The following GTF3C2 variants were observed in gnomAD, a reference collection of about 807,000 sequenced individuals.
GTF3C2 encodes the protein general transcription factor 3C polypeptide 2.
A neutral mutation model predicts 117.4 loss-of-function variants in GTF3C2; 17 were observed. The observed-to-expected ratio is 0.14, with a 90% confidence interval of 0.10 to 0.22. GTF3C2 has a LOEUF of 0.22. Among genes scored for constraint, GTF3C2 ranks in the 10% least tolerant of loss-of-function variants. The probability of loss-of-function intolerance (pLI) is 1.00; values close to 1 mark genes in which losing one functional copy is unlikely to be tolerated. For missense variants in GTF3C2, 888 were observed against 1,143.6 expected, an observed-to-expected ratio of 0.78 and a Z score of 3.22; for synonymous variants, 437 against 427.0, an observed-to-expected ratio of 1.02 and a Z score of -0.29.
chr2:27,335,772 C>CTAGT, intron 9 of GTF3C2, 66 bp from the exon 10 acceptor site: 1 of 1,182,354 alleles, frequency 8.5e-7, no homozygotes, highest in Non-Finnish European at 1.2e-6. Flanking sequence ...CTTTGAGGTT[C>CTAGT]TAGTCCCTGA....
Position 27,334,391 on chromosome 2 carries a change from C to T in GTF3C2, c.1577-392G>A, listed in dbSNP as rs943134392. ...TCTGTTACACCTGATAGTATCCTTC[C>T]TCCTATCAGAAGAGCAATCCCTTCA... On this transcript the variant is annotated intron_variant, in intron 10 of 18. Transcript: ENST00000264720. Among the ~76,000 whole-genome samples the T allele has an allele frequency of 1.3e-5, 2 of 151,936 alleles. 1 individual carries two copies. Among genetic ancestry groups the T allele is most frequent in the East Asian group, 3.9e-4 (2 of 5,182 alleles).
At chr2:27,326,238 A>G (rs183874653) in exon 19 of GTF3C2, 5 of 474,096 alleles carry the variant, frequency 1.1e-5, no homozygotes, top group Non-Finnish European at 2.2e-5. Flanking sequence ...AAGTTTCAGA[A>G]GGCAGTAATA....
intron 9 of GTF3C2, 52 bp downstream of exon 9, chr2:27,335,865 C>A (rs893551851): frequency 3.8e-6 from 5 of 1,302,252 alleles, no homozygotes; most frequent in Non-Finnish European, 4.4e-6. Context: ...CCCAGGGCCT[C>A]TTTGTCCTGG....
intron 4 of GTF3C2, among the ~76,000 whole-genome samples, chr2:27,338,457 C>T (rs1348719789): frequency 2.1e-5 from 1 of 47,422 alleles, no homozygotes; most frequent in Non-Finnish European, 3.9e-5. Context: ...CACGCGCACG[C>T]GCGCACACAC....
At chr2:27,338,234 C>G in intron 4 of GTF3C2, 1 of 544,714 alleles carries the variant, frequency 1.8e-6, no homozygotes, top group Non-Finnish European at 3.3e-6. Context: ...AATCTGTTAC[C>G]TATTTTCTGT....
Position 27,341,907 on chromosome 2 carries a change from CCTA to C in GTF3C2, c.855+38_855+40del, listed in dbSNP as rs535529028. 184 of 1,554,436 alleles carry C rather than the reference CCTA, an allele frequency of 1.2e-4. No homozygotes were observed. The African/African-American group carries it at 2.3e-3, about 19-fold the overall frequency. ...CAGTACCTTGCTGGTCCCCTAAAAT[CCTA>C]CTATGTCCCCATTCACTTTCTTGTC... On this transcript the variant is annotated intron_variant, in intron 4 of 18. Coordinates refer to ENST00000264720, the Ensembl canonical transcript of GTF3C2.
At chr2:27,333,726 C>T in exon 12 of GTF3C2, 1 of 1,610,782 alleles carries the variant, frequency 6.2e-7, no homozygotes, top group Non-Finnish European at 8.5e-7. Flanking sequence ...GCACTGACCA[C>T]ACTCAGAGGG....
At chr2:27,342,985 G>A in exon 3 of GTF3C2, 4 of 1,614,194 alleles carry the variant, frequency 2.5e-6, no homozygotes, top group Non-Finnish European at 3.4e-6. Flanking sequence ...AGGCATGGGG[G>A]TGGACAGAGG....
chr2:27,355,959 A>C lies in GTF3C2; in HGVS notation c.-25+780T>G, dbSNP rs1019857231. The C allele has an allele frequency of 1.1e-5, 6 of 545,582 alleles. No individual in the cohort carries two copies. The African/African-American group carries it at 1.2e-4, about 11-fold the overall frequency. 33.8% of individuals were successfully genotyped at this position (545,582 alleles called of 1,614,324 possible). ...GAGACTAATGCATTTAAACTTTTTA[A>C]GTAAGTCAATTTAAAGAGAACTATT... On this transcript the variant is annotated intron_variant, in intron 1 of 18. Coordinates refer to ENST00000264720, the Ensembl canonical transcript of GTF3C2.
chr2:27,350,086 A>G (rs1422904057), intron 1 of GTF3C2, among the ~76,000 whole-genome samples: 2 of 152,202 alleles, frequency 1.3e-5, no homozygotes, highest in Non-Finnish European at 2.9e-5. Context: ...AATCAATGAC[A>G]AAGTAGATAA....
intron 1 of GTF3C2, chr2:27,350,636 C>CAA (rs34264490): frequency 2.5e-5 from 8 of 322,518 alleles, no homozygotes; most frequent in Admixed American, 6.5e-5. Context: ...TTTGTCTCTG[C>CAA]AAAAAAATTT....
chr2:27,347,769 G>A (rs1413575204), intron 1 of GTF3C2, among the ~76,000 whole-genome samples: 3 of 152,168 alleles, frequency 2.0e-5, no homozygotes, highest in South Asian at 2.1e-4. Flanking sequence ...GTATTAAGAG[G>A]TGGGATCTTT....
At chr2:27,347,036 G>C (rs1680941960) in intron 1 of GTF3C2, among the ~76,000 whole-genome samples, 1 of 152,140 alleles carries the variant, frequency 6.6e-6, no homozygotes, top group African/African-American at 2.4e-5. Flanking sequence ...AAATTGTCAT[G>C]AGTCTTCATT....
At chr2:27,326,055 C>G in exon 19 of GTF3C2, 1 of 372,706 alleles carries the variant, frequency 2.7e-6, no homozygotes, top group Non-Finnish European at 5.4e-6. Flanking sequence ...CAAGTAGGGT[C>G]AGATGACCAG....
At chr2:27,339,008 C>A (rs747020351) in intron 4 of GTF3C2, among the ~76,000 whole-genome samples, 2 of 152,148 alleles carry the variant, frequency 1.3e-5, no homozygotes, top group African/African-American at 2.4e-5. Flanking sequence ...TTTACATTTC[C>A]GTCATGTAAA....
chr2:27,332,152 A>G (rs189365500), intron 12 of GTF3C2, among the ~76,000 whole-genome samples: 2 of 152,222 alleles, frequency 1.3e-5, no homozygotes, highest in East Asian at 3.9e-4. Flanking sequence ...CATTTTTAGA[A>G]TACTTTACAC....
intron 1 of GTF3C2, chr2:27,356,007 T>TA (rs1331948233): frequency 3.1e-5 from 26 of 841,186 alleles, no homozygotes; most frequent in Non-Finnish European, 4.5e-5. Context: ...GTACAATTGA[T>TA]AAGAGATTGC....
At chr2:27,327,130 G>A (rs1345383605) in intron 18 of GTF3C2, 47 bp downstream of exon 18, 1 of 1,062,720 alleles carries the variant, frequency 9.4e-7, no homozygotes, top group East Asian at 2.4e-5. Context: ...CCCAGGCCCA[G>A]AACTGGGGGG....
chr2:27,332,055 G>A (rs896515204), intron 12 of GTF3C2, among the ~76,000 whole-genome samples: 2 of 152,098 alleles, frequency 1.3e-5, no homozygotes, highest in Non-Finnish European at 2.9e-5. Flanking sequence ...TATAGTGAAG[G>A]AACATTCATC....
Sources: allele counts gnomAD v4.1 joint callset (sites outside exome capture counted in the v4.1 genomes callset), GRCh38; gene constraint gnomAD v4.1.1; transcripts MANE v1.5; gene names NCBI Gene and HGNC (gene_info 2026-07-23, HGNC 2026-07-21).